Variants in LETM1 observed in about 807,000 individuals in gnomAD.
The protein encoded by LETM1 is leucine zipper and EF-hand containing transmembrane protein 1.
In LETM1, 50 loss-of-function variants were observed where a neutral mutation model predicts 74.5. That is an observed-to-expected ratio of 0.67 (90% confidence interval 0.53 to 0.85). The LOEUF (loss-of-function observed/expected upper bound fraction) is 0.85. LETM1 is among the 40% of genes least tolerant of loss of function. The pLI is 0.00. For missense variants in LETM1, 824 were observed against 967.8 expected (o/e 0.85, Z 1.97); for synonymous variants, 446 against 407.1 (o/e 1.10, Z -1.15).
chr4:1,818,158 AGG>A (rs1357967179), intron 11 of LETM1, among the ~76,000 whole-genome samples: 1 of 151,934 alleles, frequency 6.6e-6, no homozygotes, highest in Admixed American at 6.6e-5. Context: ...AGGCGAGGGG[AGG>A]GGAGGGAAGG....
rs781159906 is a variant in LETM1 at position 1,825,621 on chromosome 4, T to C, written c.1143A>G (p.Ala381=). Residue 381 remains alanine (A), a synonymous_variant, in exon 7 of 14, where the codon GCA becomes GCG. Coordinates refer to ENST00000302787, the MANE Select transcript of LETM1 (RefSeq NM_012318.3). ...NVKELQAACR[A]RGMRALGVTE... is the part of the protein sequence containing the mutation. ...TGACGCCCAGGGCCCGCATGCCTCG[T>C]GCCCGACACGCTGCCTGCAGCTCCT... 1.2e-6 allele frequency: 2 copies of C among 1,614,056 alleles called. No individual in the cohort carries two copies. The highest frequency in any genetic ancestry group is 2.2e-5 in the South Asian group (2 of 91,074).
chr4:1,836,729 C>G lies in LETM1; in HGVS notation c.595-157G>C, dbSNP rs1256681067. ...CTAAGTTCCAGAACCACTTAGCAGA[C>G]CATTCCCAAAACCCACTTCTTTCTC... On this transcript the variant is annotated intron_variant, in intron 3 of 13. Transcript: ENST00000302787. The surrounding 1 kb of genome is among the most constrained non-coding windows in gnomAD (Gnocchi z 5.8). Among the ~76,000 whole-genome samples, 3 of 152,200 alleles carry G rather than the reference C, an allele frequency of 2.0e-5. No homozygotes were observed. Among genetic ancestry groups the G allele is most frequent in the Non-Finnish European group, 4.4e-5 (3 of 68,034 alleles).
Position 1,819,459 on chromosome 4 carries a change from G to A in LETM1, c.1622C>T (p.Thr541Met), listed in dbSNP as rs1711696082. The change falls in exon 11 of 14, where the codon ACG becomes ATG. Residue 541 changes from threonine (T) to methionine (M), a missense_variant. Thr to Met is a moderately conservative substitution (Grantham distance 81, BLOSUM62 -1). Around this residue, in one of 4 missense-constraint regions of LETM1, gnomAD observed 161 missense variants for 252.7 expected, o/e 0.64. Transcript: ENST00000302787. ...GCTGAGGATGTCGATTTCCTCCTTC[G>A]TGATCTCTTCCTCCTGGGATAAAAA... Reference protein sequence around the residue: ...VLEGLKEEEITKEEIDILSDA... With the variant: ...VLEGLKEEEIMKEEIDILSDA... 1.9e-6 allele frequency: 3 copies of A among 1,612,578 alleles called. No homozygotes were observed. The highest frequency in any genetic ancestry group is 8.5e-7 in the Non-Finnish European group (1 of 1,179,400).
Position 1,816,857 on chromosome 4 carries a change from C to A in LETM1, c.1801G>T (p.Glu601Ter). 6.2e-7 allele frequency: 1 copy of A among 1,614,080 alleles called. No homozygotes were observed. The highest frequency in any genetic ancestry group is 8.5e-7 in the Non-Finnish European group (1 of 1,179,924). The change falls in exon 12 of 14, where the codon GAA becomes TAA. Residue 601 changes from glutamate (E) to a stop codon, truncating the protein, a stop_gained. Transcript: ENST00000302787. LOFTEE classifies it high-confidence loss of function. ...GTCAATCTCTTGCTGGCTTTAGATT[C>A]TTCCACGTACTTTTCTTCACCAGTC... ...SKTGEEKYVE[E>*]SKASKRLTKR...
intron 8 of LETM1, 130 bp from the exon 9 acceptor site, chr4:1,823,261 G>A: frequency 7.9e-7 from 1 of 1,259,300 alleles, no homozygotes; most frequent in African/African-American, 1.5e-5. Context: ...AGGACAGAAG[G>A]CACTGCCGAG....
intron 10 of LETM1, among the ~76,000 whole-genome samples, chr4:1,820,699 C>G (rs1373516980): frequency 1.3e-5 from 2 of 152,208 alleles, no homozygotes; most frequent in African/African-American, 4.8e-5. Flanking sequence ...CCCAGCTTTT[C>G]TAATTTAGTC....
Position 1,813,034 on chromosome 4 carries a change from A to T in LETM1, c.*1390T>A, listed in dbSNP as rs999355500. On this transcript the variant is annotated 3_prime_UTR_variant, in exon 14 of 14. Transcript: ENST00000302787. ...CAAACGAACACCAGGCTACTTACAC[A>T]GGGTGAGAGAATTCATAAATATTAG... The T allele has an allele frequency of 1.3e-5, 2 of 152,408 alleles. No homozygotes were observed. The highest frequency in any genetic ancestry group is 4.8e-5 in the African/African-American group (2 of 41,466). 9.4% of individuals were successfully genotyped at this position (152,408 alleles called of 1,614,324 possible).
In LETM1 at chr4:1,836,204, C is replaced by T. The variant is rs935603823; in HGVS notation, c.738+225G>A. ...CTGCACTCCAGCCTGGGTGACAGAG[C>T]GAGACCCTGTTTCAAAAATAAATAA... On this transcript the variant is annotated intron_variant, in intron 4 of 13. Coordinates refer to ENST00000302787, the MANE Select transcript of LETM1 (RefSeq NM_012318.3). This position sits in a 1 kb window ranked among gnomAD's most constrained non-coding sequence, Gnocchi z 5.8. Among the ~76,000 whole-genome samples, 15 of 151,958 alleles carry T rather than the reference C, an allele frequency of 9.9e-5. No homozygotes were observed. Among genetic ancestry groups the T allele is most frequent in the Non-Finnish European group, 1.8e-4 (12 of 67,996 alleles).
At chr4:1,830,521 G>T (rs894921974) in intron 6 of LETM1, among the ~76,000 whole-genome samples, 3 of 152,092 alleles carry the variant, frequency 2.0e-5, no homozygotes, top group Admixed American at 6.6e-5. Context: ...TTGTAGAGGT[G>T]GGGGGTCTCA....
At chr4:1,821,394 A>AT (rs980006791) in intron 10 of LETM1, among the ~76,000 whole-genome samples, 18 of 147,714 alleles carry the variant, frequency 1.2e-4, no homozygotes, top group South Asian at 4.4e-4. Context: ...GCCTGGCCAA[A>AT]TTTTTTTTTT....
intron 6 of LETM1, among the ~76,000 whole-genome samples, chr4:1,830,476 G>C (rs753092051): frequency 1.3e-5 from 2 of 152,046 alleles, no homozygotes; most frequent in Non-Finnish European, 2.9e-5. Flanking sequence ...AGCTACAGGC[G>C]CAAGTCATCA....
chr4:1,834,406 C>A lies in LETM1; in HGVS notation c.876+439G>T. ...CCGCAGGAAACCTCAAGGGCCGCTC[C>A]TCCTCTCCAGCCCCCACTGCTCCCA... On this transcript the variant is annotated intron_variant, in intron 5 of 13. Transcript: ENST00000302787. This position sits in a 1 kb window ranked among gnomAD's most constrained non-coding sequence, Gnocchi z 5.0. The A allele has an allele frequency of 5.0e-6, 5 of 994,392 alleles. No homozygotes were observed. The highest frequency in any genetic ancestry group is 6.0e-6 in the Non-Finnish European group (5 of 836,024). The allele number at this position is 994,392 out of a possible 1,614,324, so 61.6% of individuals were successfully genotyped here.
Position 1,836,488 on chromosome 4 carries a change from C to A in LETM1, c.679G>T (p.Val227Phe). 6.2e-7 allele frequency: 1 copy of A among 1,613,982 alleles called. No individual in the cohort carries two copies. The highest frequency in any genetic ancestry group is 8.5e-7 in the Non-Finnish European group (1 of 1,179,994). ...ATGTTGGGGAAGAGCTTCACAGCAA[C>A]AGGCAGCAGAAACTCCATGAACGGC... ...VVPFMEFLLP[V>F]AVKLFPNMLP... Residue 227 changes from valine (V) to phenylalanine (F), a missense_variant, in exon 4 of 14, where the codon GTT (valine) becomes TTT (phenylalanine). Around this residue, in one of 4 missense-constraint regions of LETM1, gnomAD observed 269 missense variants for 348.8 expected, o/e 0.77. Coordinates refer to ENST00000302787, the MANE Select transcript of LETM1 (RefSeq NM_012318.3). This position sits in a 1 kb window ranked among gnomAD's most constrained non-coding sequence, Gnocchi z 5.8.
At chr4:1,833,034 C>T in intron 5 of LETM1, 87 bp from the exon 6 acceptor site, 1 of 1,181,662 alleles carries the variant, frequency 8.5e-7, no homozygotes. Flanking sequence ...AAGGGTGCTG[C>T]CTCTCATCCT....
intron 6 of LETM1, among the ~76,000 whole-genome samples, chr4:1,830,524 G>C (rs1424106097): frequency 6.6e-6 from 1 of 152,096 alleles, no homozygotes; most frequent in African/African-American, 2.4e-5. Flanking sequence ...TAGAGGTGGG[G>C]GGTCTCACTA....
At position 1,833,128 on chromosome 4, in the gene LETM1, G is replaced by A. The variant is rs1712339210; in HGVS notation, c.877-181C>T. 8.3e-6 allele frequency: 5 copies of A among 603,192 alleles called. No individual in the cohort carries two copies. The Admixed American group carries it at 1.4e-4, about 17-fold the overall frequency. The allele number at this position is 603,192 out of a possible 1,614,324, so 37.4% of individuals were successfully genotyped here. On this transcript the variant is annotated intron_variant, in intron 5 of 13. Transcript: ENST00000302787. ...GCTCTGTTACCCAGGCTGGAATGCA[G>A]TGGTGTAATCTCGGTTCACTGCAAC...
intron 7 of LETM1, 105 bp from the exon 8 acceptor site, chr4:1,823,880 G>A: frequency 7.7e-7 from 1 of 1,292,660 alleles, no homozygotes; most frequent in Non-Finnish European, 1.1e-6. Flanking sequence ...AGAAGACAGT[G>A]TCTCAAGTTC....
chr4:1,855,768 C>T, intron 1 of LETM1, 101 bp downstream of exon 1: 1 of 698,234 alleles, frequency 1.4e-6, no homozygotes, highest in Non-Finnish European at 1.9e-6. Context: ...GACCACCGGG[C>T]TCCCCGCATC....
Position 1,830,349 on chromosome 4 carries a change from T to G in LETM1, c.1080+2395A>C, listed in dbSNP as rs1712221863. On this transcript the variant is annotated intron_variant, in intron 6 of 13. Transcript: ENST00000302787. ...TTGGTTCTTCTTTTTCAAATTTTTTTGAGAGACAGTCTCCCTCTGTTGCCC... is the reference window on the plus strand; with the variant it reads ...TTGGTTCTTCTTTTTCAAATTTTTTGGAGAGACAGTCTCCCTCTGTTGCCC... 2.0e-5 allele frequency among the ~76,000 whole-genome samples: 3 copies of G among 152,238 alleles called. No individual in the cohort carries two copies. In the South Asian group the frequency reaches 6.2e-4, roughly 31 times the overall value.
Sources: gnomAD v4.1 joint callset for allele counts (sites outside exome capture counted in the v4.1 genomes callset) on GRCh38, gnomAD v4.1.1 for gene constraint, gnomAD v4.1.1 regional missense constraint, Gnocchi (gnomAD v3.1) non-coding constraint, MANE v1.5 for transcripts, NCBI Gene and HGNC (gene_info 2026-07-23, HGNC 2026-07-21) for gene names.